ST8SIA2: variants seen among roughly 807,000 people sequenced by gnomAD.
ST8SIA2 encodes the protein ST8 alpha-N-acetyl-neuraminide alpha-2,8-sialyltransferase 2.
In ST8SIA2, 22 loss-of-function variants were observed where a neutral mutation model predicts 37.6. The observed-to-expected ratio is 0.58, with a 90% CI of 0.42 to 0.83. The LOEUF (loss-of-function observed/expected upper bound fraction) is 0.83. Ranked by LOEUF, ST8SIA2 falls within the 40% of genes least tolerant of loss-of-function variation. The pLI is 0.00. For synonymous variants in ST8SIA2, 205 were observed against 201.2 expected, an observed-to-expected ratio of 1.02 and a Z score of -0.16; for missense variants, 382 against 484.7, an observed-to-expected ratio of 0.79 and a Z score of 1.99.
intron 1 of ST8SIA2, among the ~76,000 whole-genome samples, chr15:92,419,071 A>C (rs1345459615): frequency 6.6e-6 from 1 of 152,046 alleles, no homozygotes; most frequent in African/African-American, 2.4e-5. Context: ...GCCACGTGTG[A>C]GCCAGGCAGA....
chr15:92,393,889 C>T lies in ST8SIA2; in HGVS notation c.-176C>T, dbSNP rs891186715. 1.0e-4 allele frequency: 24 copies of T among 236,094 alleles called. No homozygotes were observed. Among genetic ancestry groups the T allele is most frequent in the Non-Finnish European group, 4.6e-5 (6 of 129,164 alleles). The allele number at this position is 236,094 out of a possible 1,614,324, so 14.6% of individuals were successfully genotyped here. A position where few individuals can be genotyped will look rare whatever the true frequency, so the allele number is the denominator to read the frequency against. ...GCGGGCTCGCCGCGCCTGAGCAACC[C>T]CTGCCTGTCGCTGCCGCTGCCGCTG... On this transcript the variant is annotated 5_prime_UTR_variant, in exon 1 of 6. Coordinates refer to ENST00000268164, the MANE Select transcript of ST8SIA2 (RefSeq NM_006011.4).
chr15:92,447,884 C>T (rs2049853438), intron 5 of ST8SIA2, among the ~76,000 whole-genome samples: 2 of 152,164 alleles, frequency 1.3e-5, no homozygotes, highest in African/African-American at 4.8e-5. Context: ...GCAGTGGCAA[C>T]CCTCATCTCG....
At chr15:92,398,456 T>A (rs1159594848) in intron 1 of ST8SIA2, among the ~76,000 whole-genome samples, 1 of 152,240 alleles carries the variant, frequency 6.6e-6, no homozygotes, top group Non-Finnish European at 1.5e-5. Context: ...ACGGTGAAGA[T>A]GATGATCACG....
chr15:92,456,914 T>G (rs778856346), intron 5 of ST8SIA2, among the ~76,000 whole-genome samples: 4 of 152,186 alleles, frequency 2.6e-5, no homozygotes, highest in Non-Finnish European at 5.9e-5. Flanking sequence ...GGAATTAGAC[T>G]CAGCATCCCC....
chr15:92,439,442 C>A (rs1474768155), intron 4 of ST8SIA2, among the ~76,000 whole-genome samples: 1 of 152,210 alleles, frequency 6.6e-6, no homozygotes, highest in Non-Finnish European at 1.5e-5. Flanking sequence ...CAAGGCTTTG[C>A]TGTCTCCAGG....
At chr15:92,461,289 C>T (rs2049955781) in intron 5 of ST8SIA2, among the ~76,000 whole-genome samples, 1 of 152,132 alleles carries the variant, frequency 6.6e-6, no homozygotes, top group South Asian at 2.1e-4. Flanking sequence ...GCCCTCTACC[C>T]CACCCCATAG....
intron 1 of ST8SIA2, among the ~76,000 whole-genome samples, chr15:92,395,064 T>TCGCGC (rs2049420481): frequency 6.6e-6 from 1 of 152,040 alleles, no homozygotes; most frequent in South Asian, 2.1e-4. Context: ...GGGCTGAGAC[T>TCGCGC]CGCGCCCCGC....
At chr15:92,414,311 A>C (rs2049571280) in intron 1 of ST8SIA2, among the ~76,000 whole-genome samples, 1 of 152,174 alleles carries the variant, frequency 6.6e-6, no homozygotes, top group South Asian at 2.1e-4. Flanking sequence ...GTCTGTCTGG[A>C]GTCAGGTGTA....
At chr15:92,427,027 G>A (rs1321671338) in intron 1 of ST8SIA2, among the ~76,000 whole-genome samples, 2 of 152,216 alleles carry the variant, frequency 1.3e-5, no homozygotes, top group East Asian at 1.9e-4. Flanking sequence ...CCAGGAGGTG[G>A]AGGTTGTAGT....
intron 1 of ST8SIA2, among the ~76,000 whole-genome samples, chr15:92,398,025 C>T (rs546551221): frequency 1.4e-4 from 21 of 151,948 alleles, no homozygotes; most frequent in Non-Finnish European, 2.8e-4. Context: ...ACCAGCTACT[C>T]GGGAGGCTGA....
At chr15:92,452,873 T>C (rs746713955) in intron 5 of ST8SIA2, among the ~76,000 whole-genome samples, 7 of 152,082 alleles carry the variant, frequency 4.6e-5, no homozygotes, top group Non-Finnish European at 7.4e-5. Flanking sequence ...AATTGCCCAA[T>C]TGGAATTTAC....
intron 1 of ST8SIA2, among the ~76,000 whole-genome samples, chr15:92,396,773 G>A (rs986359148): frequency 1.3e-5 from 2 of 152,182 alleles, no homozygotes; most frequent in African/African-American, 4.8e-5. Flanking sequence ...ACAGGCGTGA[G>A]CCACCCCTCC....
rs189292605 is a variant in ST8SIA2 at position 92,454,560 on chromosome 15, C to G, written c.843-9540C>G. Among the ~76,000 whole-genome samples the G allele has an allele frequency of 2.6e-5, 4 of 152,140 alleles. No individual in the cohort carries two copies. In the East Asian group the frequency reaches 7.7e-4, roughly 29 times the overall value. ...CAACACATCTGAGTCTCTGCCCCCACAGTGGACTTACAAAATTTCTGCCCA... is the reference window on the plus strand; with the variant it reads ...CAACACATCTGAGTCTCTGCCCCCAGAGTGGACTTACAAAATTTCTGCCCA... On this transcript the variant is annotated intron_variant, in intron 5 of 5. Transcript: ENST00000268164.
At chr15:92,405,779 A>C (rs1003886019) in intron 1 of ST8SIA2, among the ~76,000 whole-genome samples, 1 of 152,214 alleles carries the variant, frequency 6.6e-6, no homozygotes, top group Non-Finnish European at 1.5e-5. Context: ...AATACCCAAC[A>C]TCTGGGATTT....
At chr15:92,433,216 C>G (rs575217837) in intron 2 of ST8SIA2, among the ~76,000 whole-genome samples, 1 of 152,142 alleles carries the variant, frequency 6.6e-6, no homozygotes, top group East Asian at 1.9e-4. Context: ...TTGGCTGTTT[C>G]AAGATAAATG....
At chr15:92,432,811 C>A (rs80067894) in intron 2 of ST8SIA2, among the ~76,000 whole-genome samples, 4,467 of 152,204 alleles carry the variant, frequency 0.029, 233 homozygotes, top group African/African-American at 0.099. Context: ...ACATGCACCC[C>A]TAAGCGAAGT....
chr15:92,458,816 A>G (rs903022482), intron 5 of ST8SIA2, among the ~76,000 whole-genome samples: 1 of 152,246 alleles, frequency 6.6e-6, no homozygotes, highest in African/African-American at 2.4e-5. Flanking sequence ...ATGAAACAGC[A>G]TAGTAATGAA....
intron 1 of ST8SIA2, among the ~76,000 whole-genome samples, chr15:92,396,381 G>A (rs984696262): frequency 2.6e-5 from 4 of 152,154 alleles, no homozygotes; most frequent in Admixed American, 2.6e-4. Flanking sequence ...CATGGCTGGA[G>A]GAGTAAACAC....
Position 92,395,747 on chromosome 15 carries a change from G to A in ST8SIA2, c.98+1585G>A, listed in dbSNP as rs771069590. On this transcript the variant is annotated intron_variant, in intron 1 of 5. Coordinates refer to ENST00000268164, the MANE Select transcript of ST8SIA2 (RefSeq NM_006011.4). The stretch of plus-strand genomic sequence containing the variant: ...AGGAGGGCCTTCCTCTAGGCTCTCC[G>A]GCTTCTGATTCCGGATGTGGGCACT... 1.8e-4 allele frequency among the ~76,000 whole-genome samples: 27 copies of A among 152,162 alleles called. 1 individual carries two copies. Among genetic ancestry groups the A allele is most frequent in the Non-Finnish European group, 3.4e-4 (23 of 68,030 alleles).
Sources: gnomAD v4.1 joint callset for allele counts (sites outside exome capture counted in the v4.1 genomes callset) on GRCh38, gnomAD v4.1.1 for gene constraint, MANE v1.5 for transcripts, NCBI Gene and HGNC (gene_info 2026-07-23, HGNC 2026-07-21) for gene names.